Variants in FAXDC2 observed in about 807,000 individuals in gnomAD.
The protein encoded by FAXDC2 is fatty acid hydroxylase domain containing 2, also known as fatty acid hydroxylase domain-containing protein 2.
FAXDC2 carries 41 observed loss-of-function variants against 40.9 expected under a neutral mutation model. The ratio of observed to expected loss-of-function variants is 1.00; its 90% CI spans 0.78 to 1.30. FAXDC2 has a LOEUF of 1.30. FAXDC2 is among the 50% of genes most tolerant of loss of function. The pLI, the probability that FAXDC2 is intolerant of heterozygous loss-of-function variation, is 0.00. For missense variants in FAXDC2, 390 were observed against 408.8 expected (o/e 0.95, Z 0.40); for synonymous variants, 157 against 149.3 (o/e 1.05, Z -0.38).
chr5:154,833,177 C>T (rs1760235757), intron 4 of FAXDC2, among the ~76,000 whole-genome samples: 2 of 151,880 alleles, frequency 1.3e-5, no homozygotes, highest in East Asian at 1.9e-4. Flanking sequence ...GCTGGGATTA[C>T]AGGCACGCAC....
intron 1 of FAXDC2, among the ~76,000 whole-genome samples, chr5:154,850,261 A>T (rs528692269): frequency 1.3e-5 from 2 of 152,380 alleles, no homozygotes; most frequent in East Asian, 3.9e-4. Context: ...GGATACAGAC[A>T]TTAGTAAGAG....
chr5:154,823,623 T>C (rs1409305402), intron 5 of FAXDC2, 31 bp from the exon 6 acceptor site: 1 of 1,585,432 alleles, frequency 6.3e-7, no homozygotes, highest in Non-Finnish European at 8.7e-7. Context: ...GGGAGATGGA[T>C]AAGAGTGTGA....
At chr5:154,825,179 A>G (rs944318611) in intron 5 of FAXDC2, among the ~76,000 whole-genome samples, 18 of 151,650 alleles carry the variant, frequency 1.2e-4, no homozygotes, top group Admixed American at 2.0e-4. Flanking sequence ...CCTGGCTAAC[A>G]TGGTGAAACC....
intron 1 of FAXDC2, among the ~76,000 whole-genome samples, chr5:154,842,456 G>A (rs540809047): frequency 1.1e-4 from 16 of 142,606 alleles, no homozygotes; most frequent in South Asian, 2.2e-4. Flanking sequence ...CACCCGCCTC[G>A]ACCTCCCAAA....
At chr5:154,833,903 C>CAA (rs1760255115) in intron 4 of FAXDC2, among the ~76,000 whole-genome samples, 1 of 149,770 alleles carries the variant, frequency 6.7e-6, no homozygotes. Flanking sequence ...CTCCTGACCT[C>CAA]GTGATCCACC....
chr5:154,825,649 T>TAAAAAAAAAAA (rs1760010015), intron 5 of FAXDC2, among the ~76,000 whole-genome samples: 1 of 2,638 alleles, frequency 3.8e-4, no homozygotes, highest in African/African-American at 6.3e-3. Context: ...AGACTCCGTC[T>TAAAAAAAAAAA]CAAAAAAAAA....
intron 1 of FAXDC2, among the ~76,000 whole-genome samples, chr5:154,846,303 T>C (rs1297354189): frequency 1.3e-5 from 2 of 149,714 alleles, no homozygotes; most frequent in Non-Finnish European, 3.0e-5. Context: ...TGTGTGTTAA[T>C]ACCAAAGGAC....
chr5:154,833,467 T>G (rs1001017808), intron 4 of FAXDC2, among the ~76,000 whole-genome samples: 18 of 149,814 alleles, frequency 1.2e-4, no homozygotes, highest in African/African-American at 4.4e-4. Context: ...TGCCTCAGCC[T>G]CCTGAGTAGT....
rs1759793022 is a variant in FAXDC2 at position 154,818,664 on chromosome 5, G to A, written c.*1652C>T. The A allele has an allele frequency of 6.6e-6, 1 of 152,224 alleles. No homozygotes were observed. The highest frequency in any genetic ancestry group is 6.5e-5 in the Admixed American group (1 of 15,278). The allele number at this position is 152,224 out of a possible 1,614,324, so 9.4% of individuals were successfully genotyped here. On this transcript the variant is annotated 3_prime_UTR_variant, in exon 9 of 9. Coordinates refer to ENST00000326080, the MANE Select transcript of FAXDC2 (RefSeq NM_032385.5). The stretch of plus-strand genomic sequence containing the variant: ...GATAACCTGCCTGCCAAAAGGAAGA[G>A]GGAATGAAAGCCTTTTGTCCTTCTA...
chr5:154,835,651 G>A (rs189879699), intron 2 of FAXDC2, among the ~76,000 whole-genome samples: 12,226 of 151,962 alleles, frequency 0.08, 550 homozygotes, highest in Admixed American at 0.14. Context: ...CACGATCTTG[G>A]CTCACTGCCA....
chr5:154,835,238 C>G (rs929365133), intron 2 of FAXDC2: 2 of 298,478 alleles, frequency 6.7e-6, no homozygotes, highest in African/African-American at 2.2e-5. Flanking sequence ...GAGCCTCTAT[C>G]AGCCATAGGA....
chr5:154,830,636 G>T, intron 5 of FAXDC2, 165 bp downstream of exon 5: 1 of 702,020 alleles, frequency 1.4e-6, no homozygotes, highest in Non-Finnish European at 2.3e-6. Flanking sequence ...CTGAGGTTGT[G>T]GGCAAATTAT....
chr5:154,824,021 T>C, intron 5 of FAXDC2: 1 of 229,456 alleles, frequency 4.4e-6, no homozygotes, highest in Non-Finnish European at 8.7e-6. Flanking sequence ...CATGATTGGA[T>C]GCAGAGATCA....
chr5:154,832,477 A>G (rs535845878), intron 4 of FAXDC2, among the ~76,000 whole-genome samples: 2 of 152,282 alleles, frequency 1.3e-5, no homozygotes, highest in Non-Finnish European at 2.9e-5. Flanking sequence ...CTGGGATTAC[A>G]GGCGTGAGCC....
intron 5 of FAXDC2, among the ~76,000 whole-genome samples, chr5:154,827,028 G>T (rs1167186916): frequency 6.6e-6 from 1 of 152,096 alleles, no homozygotes; most frequent in Non-Finnish European, 1.5e-5. Flanking sequence ...CAGATGGCCG[G>T]GCGTGGTGTC....
At chr5:154,835,818 T>C (rs1760329483) in intron 2 of FAXDC2, among the ~76,000 whole-genome samples, 1 of 150,300 alleles carries the variant, frequency 6.7e-6, no homozygotes, top group South Asian at 2.1e-4. Flanking sequence ...CCTGACCTTG[T>C]GATCTGCCCG....
At chr5:154,848,136 G>T (rs1325024590) in intron 1 of FAXDC2, among the ~76,000 whole-genome samples, 3 of 152,200 alleles carry the variant, frequency 2.0e-5, no homozygotes, top group Non-Finnish European at 4.4e-5. Context: ...ACCATGCCCG[G>T]CCTACTGAAT....
intron 1 of FAXDC2, among the ~76,000 whole-genome samples, chr5:154,847,487 CTTT>C (rs557543082): frequency 2.3e-5 from 3 of 132,296 alleles, no homozygotes; most frequent in Non-Finnish European, 3.2e-5. Context: ...TTCTTTCTTT[CTTT>C]TTTTTTTTTT....
rs1486593352 is a variant in FAXDC2 at position 154,820,454 on chromosome 5, C to A, written c.864G>T (p.Gly288=). Residue 288 remains glycine (G), a synonymous_variant, in exon 9 of 9, where the codon GGG becomes GGT. Coordinates refer to ENST00000326080, the MANE Select transcript of FAXDC2 (RefSeq NM_032385.5). ...YHHLKFNQCY[G]VLGVLDHLHG... ...GGAGGTGGTCCAGCACACCCAGCAC[C>A]CCATAGCACTGGTTGAACCTAGAAG... 1 of 1,612,116 alleles carries A rather than the reference C, an allele frequency of 6.2e-7. No individual in the cohort carries two copies. The highest frequency in any genetic ancestry group is 2.2e-5 in the East Asian group (1 of 44,794).
Sources: gnomAD v4.1 joint callset for allele counts (sites outside exome capture counted in the v4.1 genomes callset) on GRCh38, gnomAD v4.1.1 for gene constraint, MANE v1.5 for transcripts, NCBI Gene and HGNC (gene_info 2026-07-23, HGNC 2026-07-21) for gene names.